SCARB2: variants seen among roughly 807,000 people sequenced by gnomAD.
SCARB2 encodes lysosome membrane protein 2.
In SCARB2, 29 loss-of-function variants were observed where a neutral mutation model predicts 58.6. The ratio of observed to expected loss-of-function variants is 0.49; its 90% CI spans 0.37 to 0.67. The LOEUF (loss-of-function observed/expected upper bound fraction) is 0.67, where lower values mean the gene tolerates loss of function less well. SCARB2 is among the 30% of genes least tolerant of loss of function. SCARB2 has a pLI of 0.00. For missense variants in SCARB2, 488 were observed against 578.5 expected (o/e 0.84, Z 1.60); for synonymous variants, 195 against 210.1 (o/e 0.93, Z 0.62).
intron 6 of SCARB2, 35 bp from the exon 7 acceptor site, chr4:76,174,348 C>T (rs776341139): frequency 6.2e-7 from 1 of 1,606,686 alleles, no homozygotes. Flanking sequence ...TGAATGTGGA[C>T]TCTGGTCAGT....
At chr4:76,178,365 C>T (rs1394724028) in intron 4 of SCARB2, among the ~76,000 whole-genome samples, 1 of 152,164 alleles carries the variant, frequency 6.6e-6, no homozygotes, top group Non-Finnish European at 1.5e-5. Flanking sequence ...ATCCTCACAA[C>T]CACATAAGAT....
chr4:76,184,884 G>A (rs893399758), intron 2 of SCARB2: 3 of 208,862 alleles, frequency 1.4e-5, no homozygotes, highest in African/African-American at 2.4e-5. Context: ...ATACACTCTC[G>A]TGACCTGGAT....
upstream of SCARB2, among the ~76,000 whole-genome samples, chr4:76,216,606 G>GTA (rs923892330): frequency 7.2e-5 from 11 of 152,196 alleles, no homozygotes; most frequent in African/African-American, 2.7e-4. Context: ...TTTGATAAAT[G>GTA]TATCTTAGTG....
chr4:76,234,040 A>C (rs6814385), intron 1 of SCARB2, among the ~76,000 whole-genome samples: 123,545 of 152,206 alleles, frequency 0.81, 50,634 homozygotes, highest in Non-Finnish European at 0.87. Context: ...CGGGTCAGAG[A>C]TGGCCTTTCA....
intron 5 of SCARB2, chr4:76,176,197 G>C (rs1048537291): frequency 1.5e-5 from 9 of 601,754 alleles, no homozygotes; most frequent in Non-Finnish European, 2.6e-5. Context: ...GCAAGAGTGG[G>C]ACTTTTCACT....
intron 7 of SCARB2, chr4:76,173,679 G>A (rs1402841269): frequency 5.4e-6 from 1 of 185,198 alleles, no homozygotes; most frequent in Non-Finnish European, 1.1e-5. Context: ...TGTTTTGCAT[G>A]CATTAACTAC....
chr4:76,198,126 C>T (rs893521813), intron 1 of SCARB2, among the ~76,000 whole-genome samples: 3 of 152,212 alleles, frequency 2.0e-5, no homozygotes, highest in African/African-American at 7.2e-5. Context: ...CTTCCTATTA[C>T]TGTCAGGACA....
At chr4:76,226,843 T>G (rs1249947293) in intron 1 of SCARB2, among the ~76,000 whole-genome samples, 1 of 152,246 alleles carries the variant, frequency 6.6e-6, no homozygotes, top group Non-Finnish European at 1.5e-5. Context: ...AAATGATCTT[T>G]TGTATTTCTG....
In SCARB2 at chr4:76,171,975, T is replaced by C. The variant is rs35211143; in HGVS notation, c.995-1990A>G. On this transcript the variant is annotated intron_variant, in intron 7 of 11. Transcript: ENST00000264896. ...CATGTGTGTGCACCATGAGTGTGTGTGCACACTTGCGCACGTGTGTGTGTA... is the reference window on the plus strand; with the variant it reads ...CATGTGTGTGCACCATGAGTGTGTGCGCACACTTGCGCACGTGTGTGTGTA... Among the ~76,000 whole-genome samples the C allele has an allele frequency of 2.7e-5, 4 of 149,282 alleles. No homozygotes were observed. In the East Asian group the frequency reaches 8.0e-4, roughly 30 times the overall value.
chr4:76,210,988 C>T (rs931691977), intron 1 of SCARB2, among the ~76,000 whole-genome samples: 2 of 152,160 alleles, frequency 1.3e-5, no homozygotes, highest in African/African-American at 4.8e-5. Context: ...ATTATAACTA[C>T]ATTAGAATCA....
intron 1 of SCARB2, among the ~76,000 whole-genome samples, chr4:76,210,416 A>G (rs1733021111): frequency 6.6e-6 from 1 of 152,210 alleles, no homozygotes; most frequent in Non-Finnish European, 1.5e-5. Context: ...TATGTATCTC[A>G]GGCACTGTGC....
intron 7 of SCARB2, chr4:76,173,870 T>C: frequency 2.4e-6 from 1 of 411,188 alleles, no homozygotes; most frequent in South Asian, 2.7e-5. Context: ...TCAATAGCCA[T>C]GTTATGAAAC....
At chr4:76,200,809 T>G (rs1377577184) in intron 1 of SCARB2, among the ~76,000 whole-genome samples, 4 of 152,214 alleles carry the variant, frequency 2.6e-5, no homozygotes, top group African/African-American at 9.7e-5. Flanking sequence ...CACTAAGTCC[T>G]GCTGATTTCA....
intron 7 of SCARB2, 67 bp from the exon 8 acceptor site, chr4:76,170,052 A>T: frequency 7.1e-7 from 1 of 1,405,646 alleles, no homozygotes; most frequent in African/African-American, 1.4e-5. Flanking sequence ...TGAATATAAA[A>T]GTTCCTGGCC....
upstream of SCARB2, among the ~76,000 whole-genome samples, chr4:76,217,095 A>G (rs1733221457): frequency 6.6e-6 from 1 of 152,212 alleles, no homozygotes; most frequent in African/African-American, 2.4e-5. Flanking sequence ...TCTATAGGAC[A>G]TGTCTGCACC....
chr4:76,182,838 G>A (rs563208212), intron 2 of SCARB2, among the ~76,000 whole-genome samples: 1 of 152,308 alleles, frequency 6.6e-6, no homozygotes, highest in African/African-American at 2.4e-5. Flanking sequence ...ATCGTAAGTT[G>A]AAAGTTTGTT....
intron 2 of SCARB2, among the ~76,000 whole-genome samples, chr4:76,182,942 T>A (rs1358184393): frequency 6.6e-6 from 1 of 152,086 alleles, no homozygotes; most frequent in Non-Finnish European, 1.5e-5. Context: ...ATACATCACT[T>A]TCACACAATC....
At chr4:76,206,490 C>T (rs1226392503) in intron 1 of SCARB2, among the ~76,000 whole-genome samples, 1 of 152,058 alleles carries the variant, frequency 6.6e-6, no homozygotes, top group Non-Finnish European at 1.5e-5. Flanking sequence ...ATGAGACAAA[C>T]ATGTGACCAC....
chr4:76,219,310 G>A (rs1256578269), intron 1 of SCARB2, among the ~76,000 whole-genome samples: 2 of 152,136 alleles, frequency 1.3e-5, no homozygotes, highest in African/African-American at 2.4e-5. Context: ...TTGCCAGTCC[G>A]GTGGCCAAAA....
Sources: allele counts gnomAD v4.1 joint callset (sites outside exome capture counted in the v4.1 genomes callset), GRCh38; gene constraint gnomAD v4.1.1; transcripts MANE v1.5; gene names NCBI Gene and HGNC (gene_info 2026-07-23, HGNC 2026-07-21).